Variants in ASPG observed in about 807,000 individuals in gnomAD.
ASPG encodes the protein 60 kDa lysophospholipase.
ASPG carries 53 observed loss-of-function variants against 63.2 expected under a neutral mutation model. The observed-to-expected ratio is 0.84, with a 90% CI of 0.67 to 1.05. ASPG has a LOEUF of 1.05. Ranked by LOEUF, ASPG falls within the 50% of genes least tolerant of loss-of-function variation. The pLI, the probability that ASPG is intolerant of heterozygous loss-of-function variation, is 0.00. For synonymous variants in ASPG, 370 were observed against 355.0 expected, an observed-to-expected ratio of 1.04 and a Z score of -0.48; for missense variants, 741 against 794.4, an observed-to-expected ratio of 0.93 and a Z score of 0.81.
At chr14:104,097,492 A>G in intron 4 of ASPG, 62 bp from the exon 5 acceptor site, 1 of 1,482,556 alleles carries the variant, frequency 6.7e-7, no homozygotes, top group Non-Finnish European at 9.1e-7. Context: ...TGGAGAGATG[A>G]GCCAGACATC....
At chr14:104,105,608 G>A (rs2141038418) in intron 10 of ASPG, among the ~76,000 whole-genome samples, 158 bp downstream of exon 10, 1 of 152,308 alleles carries the variant, frequency 6.6e-6, no homozygotes, top group Admixed American at 6.5e-5. Context: ...AGGGTTTGGG[G>A]TCTGCAGCAA....
Position 104,105,404 on chromosome 14 carries a change from C to T in ASPG, c.1127C>T (p.Thr376Met), listed in dbSNP as rs773708256. Reference protein sequence around the residue: ...EERRPSLQGNTLGGGVSWLLS... With the variant: ...EERRPSLQGNMLGGGVSWLLS... Reference sequence around the variant, plus strand: ...CGCCGGCCCTCACTGCAGGGCAACACGCTGGGCGGTGGGGTCTCCTGGCTC... The same window carrying T: ...CGCCGGCCCTCACTGCAGGGCAACATGCTGGGCGGTGGGGTCTCCTGGCTC... The change falls in exon 10 of 16, where the codon ACG becomes ATG. Residue 376 changes from threonine to methionine, a missense_variant. Transcript: ENST00000551177. 9.9e-6 allele frequency: 16 copies of T among 1,611,520 alleles called. No homozygotes were observed. Among genetic ancestry groups the T allele is most frequent in the Admixed American group, 1.7e-5 (1 of 59,870 alleles).
chr14:104,105,981 C>A (rs894193929), intron 10 of ASPG, among the ~76,000 whole-genome samples: 1 of 152,274 alleles, frequency 6.6e-6, no homozygotes, highest in Admixed American at 6.5e-5. Flanking sequence ...CCAGGCCTGA[C>A]ATGGGGCCTG....
At chr14:104,106,049 C>T (rs996601418) in intron 10 of ASPG, among the ~76,000 whole-genome samples, 3 of 152,226 alleles carry the variant, frequency 2.0e-5, no homozygotes, top group Admixed American at 1.3e-4. Flanking sequence ...CTCAGTGCCT[C>T]GGTTTCCCCC....
chr14:104,104,580 G>C (rs765100767), intron 8 of ASPG, 42 bp from the exon 9 acceptor site: 1 of 1,583,750 alleles, frequency 6.3e-7, no homozygotes, highest in South Asian at 1.1e-5. Context: ...GCTGGGGGCC[G>C]TGGTGAGTCG....
rs1320518545 is a variant in ASPG at position 104,085,777 on chromosome 14, C to A, written c.7C>A (p.Arg3Ser). 5 of 1,582,542 alleles carry A rather than the reference C, an allele frequency of 3.2e-6. No individual in the cohort carries two copies. The highest frequency in any genetic ancestry group is 1.4e-5 in the African/African-American group (1 of 72,478). The change falls in exon 1 of 16, where the codon CGC becomes AGC. Residue 3 changes from arginine to serine, a missense_variant. Physicochemically the swap from Arg to Ser is moderately radical, Grantham distance 110. Coordinates refer to ENST00000551177, the MANE Select transcript of ASPG (RefSeq NM_001080464.3). Reference protein sequence around the residue: MARAVGPERRLLA... With the variant: MASAVGPERRLLA... ...CCGTGGTCCCCGGTCCGGCATGGCGCGCGCGGTGGGGCCCGAGCGGAGGCT... is the reference window on the plus strand; with the variant it reads ...CCGTGGTCCCCGGTCCGGCATGGCGAGCGCGGTGGGGCCCGAGCGGAGGCT...
At chr14:104,105,221 G>T in intron 9 of ASPG, 107 bp from the exon 10 acceptor site, 2 of 1,570,750 alleles carry the variant, frequency 1.3e-6, no homozygotes, top group Non-Finnish European at 1.7e-6. Context: ...CCGAGGCTCA[G>T]GCCAAGGGCA....
At chr14:104,106,084 G>A (rs962390220) in intron 10 of ASPG, among the ~76,000 whole-genome samples, 16 of 152,276 alleles carry the variant, frequency 1.1e-4, no homozygotes, top group African/African-American at 3.6e-4. Context: ...TGTCTTGTGA[G>A]CCATGTGCTG....
chr14:104,112,551 G>A lies in ASPG; in HGVS notation c.*7G>A. On this transcript the variant is annotated 3_prime_UTR_variant, in exon 16 of 16. Coordinates refer to ENST00000551177, the MANE Select transcript of ASPG (RefSeq NM_001080464.3). ...AGTGCTGCCTGGTGTCTAACCTGAA[G>A]GCGTCCTGCTGCAGTATAAGCCATT... 2 of 1,596,954 alleles carry A rather than the reference G, an allele frequency of 1.3e-6. No homozygotes were observed. Among genetic ancestry groups the A allele is most frequent in the Non-Finnish European group, 1.7e-6 (2 of 1,165,552 alleles).
intron 11 of ASPG, 132 bp downstream of exon 11, chr14:104,107,026 G>T (rs1021763215): frequency 2.3e-6 from 3 of 1,310,462 alleles, no homozygotes; most frequent in Non-Finnish European, 3.1e-6. Context: ...TGGGCAGCAG[G>T]ACTGTCCTGC....
rs369083881 is a variant in ASPG at position 104,098,895 on chromosome 14, G to A, written c.556G>A (p.Ala186Thr). Residue 186 changes from alanine (A) to threonine (T), a missense_variant, in exon 6 of 16, where the codon GCA (alanine) becomes ACA (threonine). Ala to Thr is a moderately conservative substitution (Grantham distance 58). Transcript: ENST00000551177. ...FQNQLFRGNR[A>T]TKVDARRFAA... ...GAATCAGCTGTTTCGGGGCAACCGG[G>A]CAACCAAGGTAGACGCTCGGAGGTT... The A allele has an allele frequency of 3.3e-5, 53 of 1,612,630 alleles. No homozygotes were observed. Among genetic ancestry groups the A allele is most frequent in the Non-Finnish European group, 3.8e-5 (45 of 1,179,748 alleles).
chr14:104,090,505 C>T (rs764724216), intron 1 of ASPG, among the ~76,000 whole-genome samples: 37 of 152,252 alleles, frequency 2.4e-4, no homozygotes, highest in Admixed American at 2.4e-3. Context: ...GGGGTTTCCC[C>T]GGGCTGAGCC....
chr14:104,111,151 ATGTG>A (rs995871955), intron 13 of ASPG: 2 of 985,170 alleles, frequency 2.0e-6, no homozygotes, highest in Non-Finnish European at 2.4e-6. Flanking sequence ...GCATGTGCTC[ATGTG>A]TGTGTGCACA....
intron 9 of ASPG, 56 bp downstream of exon 9, chr14:104,104,791 G>A: frequency 7.0e-7 from 1 of 1,422,760 alleles, no homozygotes; most frequent in Non-Finnish European, 9.6e-7. Context: ...ATGTCAGTTG[G>A]CTCCCAGGGG....
At position 104,112,680 on chromosome 14, in the gene ASPG, G is replaced by T. The variant is rs1351535428; in HGVS notation, c.*136G>T. 6 of 1,531,354 alleles carry T rather than the reference G, an allele frequency of 3.9e-6. No homozygotes were observed. The highest frequency in any genetic ancestry group is 5.3e-6 in the Non-Finnish European group (6 of 1,142,738). The allele number at this position is 1,531,354 out of a possible 1,614,324, so 94.9% of individuals were successfully genotyped here. A position where few individuals can be genotyped will look rare whatever the true frequency, so the allele number is the denominator to read the frequency against. On this transcript the variant is annotated 3_prime_UTR_variant, in exon 16 of 16. Coordinates refer to ENST00000551177, the MANE Select transcript of ASPG (RefSeq NM_001080464.3). ...AAGCCTGAAGGCCTTTGTTGGGCAG[G>T]ACGGCAATAAAGTCTCTGACATCCC...
intron 1 of ASPG, 85 bp from the exon 2 acceptor site, chr14:104,092,548 G>A: frequency 8.7e-7 from 1 of 1,144,380 alleles, no homozygotes; most frequent in Non-Finnish European, 1.3e-6. Flanking sequence ...CATCCCACCA[G>A]CTCTGGTCCT....
At position 104,111,375 on chromosome 14, in the gene ASPG, C is replaced by A; in HGVS notation, c.1521-127C>A. On this transcript the variant is annotated intron_variant, in intron 13 of 15. Coordinates refer to ENST00000551177, the MANE Select transcript of ASPG (RefSeq NM_001080464.3). ...AGTGACTCCTGCCCCAGGACCAGGT[C>A]GCTGCTGGGTCAGCTGTTTGGGGCT... 5 of 1,034,916 alleles carry A rather than the reference C, an allele frequency of 4.8e-6. No individual in the cohort carries two copies. The South Asian group carries it at 8.2e-5, about 17-fold the overall frequency. The allele number at this position is 1,034,916 out of a possible 1,614,324, so 64.1% of individuals were successfully genotyped here.
rs375752823 is a variant in ASPG at position 104,105,417 on chromosome 14, G to A, written c.1140G>A (p.Gly380=). 301 of 1,609,692 alleles carry A rather than the reference G, an allele frequency of 1.9e-4. No homozygotes were observed. Among genetic ancestry groups the A allele is most frequent in the Middle Eastern group, 6.6e-4 (4 of 6,068 alleles). ...TGCAGGGCAACACGCTGGGCGGTGG[G>A]GTCTCCTGGCTCCTCAGTCTGAGCG... ...PSLQGNTLGG[G]VSWLLSLSGS... is the part of the protein sequence containing the mutation. The change falls in exon 10 of 16, where the codon GGG becomes GGA. Residue 380 remains glycine, a synonymous_variant. Coordinates refer to ENST00000551177, the MANE Select transcript of ASPG (RefSeq NM_001080464.3).
intron 6 of ASPG, 104 bp downstream of exon 6, chr14:104,099,083 C>T: frequency 1.4e-6 from 2 of 1,475,054 alleles, no homozygotes; most frequent in African/African-American, 1.4e-5. Context: ...TTTGAGAGCA[C>T]CATGCTTGGT....
Sources: allele counts gnomAD v4.1 joint callset (sites outside exome capture counted in the v4.1 genomes callset), GRCh38; gene constraint gnomAD v4.1.1; transcripts MANE v1.5; gene names NCBI Gene and HGNC (gene_info 2026-07-23, HGNC 2026-07-21).